NXN: variants seen among roughly 807,000 people sequenced by gnomAD.
NXN encodes the protein nucleoredoxin 1.
A neutral mutation model predicts 48.6 loss-of-function variants in NXN; 16 were observed. That is an observed-to-expected ratio of 0.33 (90% confidence interval 0.22 to 0.50). The LOEUF (loss-of-function observed/expected upper bound fraction) is 0.50, where lower values mean the gene tolerates loss of function less well. NXN is among the 20% of genes least tolerant of loss of function. The probability of loss-of-function intolerance (pLI) is 0.98; values close to 1 mark genes in which losing one functional copy is unlikely to be tolerated. For missense variants in NXN, 492 were observed against 605.5 expected (o/e 0.81, Z 1.97); for synonymous variants, 281 against 269.6 (o/e 1.04, Z -0.41).
chr17:854,291 G>A (rs1403416714), intron 1 of NXN, among the ~76,000 whole-genome samples: 2 of 152,166 alleles, frequency 1.3e-5, no homozygotes, highest in Non-Finnish European at 2.9e-5. Flanking sequence ...CCTGCCGCTA[G>A]AATATTTTTC....
At chr17:854,452 T>A (rs1259585646) in intron 1 of NXN, among the ~76,000 whole-genome samples, 1 of 143,120 alleles carries the variant, frequency 7.0e-6, no homozygotes, top group East Asian at 2.2e-4. Flanking sequence ...ACTGAGACCA[T>A]CCTGGCTAAC....
intron 1 of NXN, among the ~76,000 whole-genome samples, chr17:910,084 C>A (rs1703824): frequency 0.55 from 83,098 of 151,984 alleles, 23,005 homozygotes; most frequent in Admixed American, 0.64. Flanking sequence ...GAAGCAACAT[C>A]CTACACCTCC....
At chr17:804,437 C>G (rs1207847758) in intron 6 of NXN, among the ~76,000 whole-genome samples, 2 of 152,110 alleles carry the variant, frequency 1.3e-5, no homozygotes, top group Non-Finnish European at 2.9e-5. Context: ...CGTGAGCCAC[C>G]ACACCCAGGC....
At chr17:861,649 C>T (rs569685319) in intron 1 of NXN, among the ~76,000 whole-genome samples, 1 of 152,156 alleles carries the variant, frequency 6.6e-6, no homozygotes, top group East Asian at 1.9e-4. Context: ...AATGCTTACA[C>T]GATGCTGGGA....
At position 906,536 on chromosome 17, in the gene NXN, C is replaced by G. The variant is rs55900226; in HGVS notation, c.360+72783G>C. ...GTCTCGAGGCTCATGTATTATAATG[C>G]AGAAGGAAGTGTTTTGGGGTTTTTT... On this transcript the variant is annotated intron_variant, in intron 1 of 7. Coordinates refer to ENST00000336868, the MANE Select transcript of NXN (RefSeq NM_022463.5). 2.8e-3 allele frequency among the ~76,000 whole-genome samples: 412 copies of G among 149,138 alleles called. 3 individuals carry two copies. Among genetic ancestry groups the G allele is most frequent in the African/African-American group, 9.6e-3 (389 of 40,682 alleles).
rs2091952479 is a variant in NXN, at chr17:821,174, G to T, written c.713+1183C>A. ...AGCCCAGGATGGTGTGGACACCGCA[G>T]ATACAACAATGTACAAAGTGCCCTG... On this transcript the variant is annotated intron_variant, in intron 4 of 7. Transcript: ENST00000336868. Among the ~76,000 whole-genome samples, 2 of 77,168 alleles carry T rather than the reference G, an allele frequency of 2.6e-5. 1 individual carries two copies. The highest frequency in any genetic ancestry group is 4.8e-5 in the Non-Finnish European group (2 of 41,750). The allele number at this position is 77,168 out of a possible 152,430, so 50.6% of individuals were successfully genotyped here. A position where few individuals can be genotyped will look rare whatever the true frequency, so the allele number is the denominator to read the frequency against.
intron 1 of NXN, among the ~76,000 whole-genome samples, chr17:839,752 G>A (rs532456149): frequency 5.6e-4 from 82 of 145,206 alleles, no homozygotes; most frequent in African/African-American, 2.1e-3. Context: ...GCAGTGAATC[G>A]TGATGGTGCC....
chr17:824,265 C>G (rs554600776), intron 2 of NXN, among the ~76,000 whole-genome samples: 11 of 39,050 alleles, frequency 2.8e-4, no homozygotes, highest in Admixed American at 1.3e-3. Context: ...GCCAGGATGG[C>G]CTCGATCTCC....
intron 2 of NXN, 105 bp from the exon 3 acceptor site, chr17:823,870 C>G: frequency 8.5e-7 from 1 of 1,172,466 alleles, no homozygotes; most frequent in Non-Finnish European, 1.2e-6. Context: ...ACCTGGGACC[C>G]GGGAGACCTC....
intron 1 of NXN, among the ~76,000 whole-genome samples, chr17:867,697 A>C (rs2068107732): frequency 6.6e-6 from 1 of 152,120 alleles, no homozygotes; most frequent in Non-Finnish European, 1.5e-5. Context: ...AGGCCAAGGC[A>C]GGTGGAACAC....
chr17:830,169 G>A lies in NXN; in HGVS notation c.361-4091C>T, dbSNP rs1913378045. ...CAGCACCCTGTGCTTTCCCCGCTAT[G>A]TTTTGTAACTGGTAAGAGCTGAAAG... On this transcript the variant is annotated intron_variant, in intron 1 of 7. Coordinates refer to ENST00000336868, the MANE Select transcript of NXN (RefSeq NM_022463.5). The surrounding 1 kb of genome is among the most constrained non-coding windows in gnomAD (Gnocchi z 4.2). Among the ~76,000 whole-genome samples, 1 of 152,170 alleles carries A rather than the reference G, an allele frequency of 6.6e-6. No homozygotes were observed. The highest frequency in any genetic ancestry group is 1.5e-5 in the Non-Finnish European group (1 of 68,036).
At chr17:925,144 GA>G (rs1391537160) in intron 1 of NXN, among the ~76,000 whole-genome samples, 1 of 147,424 alleles carries the variant, frequency 6.8e-6, no homozygotes, top group Non-Finnish European at 1.5e-5. Context: ...AGCACCAAAG[GA>G]GAGGACAGGG....
Position 920,721 on chromosome 17 carries a change from C to CT in NXN, c.360+58597dup, listed in dbSNP as rs67399502. On this transcript the variant is annotated intron_variant, in intron 1 of 7. Transcript: ENST00000336868. The surrounding 1 kb of genome is among the most constrained non-coding windows in gnomAD (Gnocchi z 4.6). ...TGGAAGATTCCACCGTTCAGGAAGC[C>CT]TTTTTTTTTTTTTTCCTTTGAAACA... Among the ~76,000 whole-genome samples the CT allele has an allele frequency of 6.9e-4, 99 of 144,404 alleles. 1 individual carries two copies. The highest frequency in any genetic ancestry group is 2.6e-3 in the East Asian group (13 of 4,950). 94.7% of individuals were successfully genotyped at this position (144,404 alleles called of 152,430 possible).
rs762557365 is a variant in NXN at position 919,041 on chromosome 17, G to C, written c.360+60278C>G. ...GATTGCACCACTGCACTCCAGCCTGGGCAACAGAGTAAGACCCTATTGCTT... is the reference window on the plus strand; with the variant it reads ...GATTGCACCACTGCACTCCAGCCTGCGCAACAGAGTAAGACCCTATTGCTT... On this transcript the variant is annotated intron_variant, in intron 1 of 7. Transcript: ENST00000336868. The surrounding 1 kb of genome is among the most constrained non-coding windows in gnomAD (Gnocchi z 5.1). Among the ~76,000 whole-genome samples, 1 of 151,684 alleles carries C rather than the reference G, an allele frequency of 6.6e-6. No individual in the cohort carries two copies. Among genetic ancestry groups the C allele is most frequent in the Non-Finnish European group, 1.5e-5 (1 of 67,956 alleles).
chr17:904,795 C>T (rs1050386600), intron 1 of NXN, among the ~76,000 whole-genome samples: 3 of 152,178 alleles, frequency 2.0e-5, no homozygotes, highest in South Asian at 2.1e-4. Context: ...CTGCCCACCT[C>T]GGCCTCCCAA....
intron 1 of NXN, among the ~76,000 whole-genome samples, chr17:833,385 C>T (rs1353629727): frequency 6.6e-6 from 1 of 152,100 alleles, no homozygotes; most frequent in Non-Finnish European, 1.5e-5. Flanking sequence ...ACCCTTCTGT[C>T]AGAGAAGTCA....
chr17:927,138 C>A (rs1232408850), intron 1 of NXN, among the ~76,000 whole-genome samples: 1 of 150,906 alleles, frequency 6.6e-6, no homozygotes, highest in Non-Finnish European at 1.5e-5. Flanking sequence ...ATGGTGAAAC[C>A]CCGCCTCTAC....
intron 1 of NXN, among the ~76,000 whole-genome samples, chr17:946,521 C>G (rs1300072780): frequency 6.6e-6 from 1 of 152,192 alleles, no homozygotes; most frequent in Admixed American, 6.5e-5. Flanking sequence ...TCAACTCTCC[C>G]TCTTGCAAGA....
intron 6 of NXN, 48 bp downstream of exon 6, chr17:805,020 T>TCCCCCCCCCCCCCCCCCCCCC: frequency 6.6e-7 from 1 of 1,512,882 alleles, no homozygotes; most frequent in Non-Finnish European, 9.0e-7. Flanking sequence ...GCCCCTCCTG[T>TCCCCCCCCCCCCCCCCCCCCC]CCCGCCCCCC....
Sources: gnomAD v4.1 joint callset for allele counts (sites outside exome capture counted in the v4.1 genomes callset) on GRCh38, gnomAD v4.1.1 for gene constraint, Gnocchi (gnomAD v3.1) non-coding constraint, MANE v1.5 for transcripts, NCBI Gene and HGNC (gene_info 2026-07-23, HGNC 2026-07-21) for gene names.